The following SEC23B variants were observed in gnomAD, a reference collection of about 807,000 sequenced individuals.
SEC23B encodes the protein SEC23 homolog B, COPII component.
SEC23B carries 77 observed loss-of-function variants against 104.3 expected under a neutral mutation model. The observed-to-expected ratio is 0.74, with a 90% CI of 0.61 to 0.89. SEC23B has a LOEUF of 0.89. Ranked by LOEUF, SEC23B falls within the 40% of genes least tolerant of loss-of-function variation. The probability of loss-of-function intolerance (pLI) is 0.00; values close to 1 mark genes in which losing one functional copy is unlikely to be tolerated. For missense variants in SEC23B, 885 were observed against 949.4 expected (o/e 0.93, Z 0.89); for synonymous variants, 338 against 332.5 (o/e 1.02, Z -0.18).
chr20:18,525,496 C>T (rs760577545), intron 6 of SEC23B, among the ~76,000 whole-genome samples: 58 of 152,188 alleles, frequency 3.8e-4, no homozygotes, highest in Admixed American at 3.2e-3. Flanking sequence ...TTAGGCATGT[C>T]CTTAGGATTT....
In SEC23B at chr20:18,561,101, T is replaced by G; in HGVS notation, c.*361T>G. 1 of 319,890 alleles carries G rather than the reference T, an allele frequency of 3.1e-6. No homozygotes were observed. Among genetic ancestry groups the G allele is most frequent in the African/African-American group, 2.2e-5 (1 of 46,012 alleles). 19.8% of individuals were successfully genotyped at this position (319,890 alleles called of 1,614,324 possible). On this transcript the variant is annotated 3_prime_UTR_variant, in exon 20 of 20. Transcript: ENST00000650089. ...CAGAAAGTACTGGCTAAAATATTGC[T>G]AATACAAATGTGATTTCCTGAGGTC...
intron 3 of SEC23B, among the ~76,000 whole-genome samples, chr20:18,513,149 A>C (rs1402197753): frequency 2.6e-5 from 4 of 152,090 alleles, no homozygotes; most frequent in African/African-American, 9.7e-5. Flanking sequence ...GAGCCATTGC[A>C]CTCCAGCCTG....
At chr20:18,522,150 C>T (rs1052173500) in intron 4 of SEC23B, among the ~76,000 whole-genome samples, 7 of 152,054 alleles carry the variant, frequency 4.6e-5, no homozygotes, top group African/African-American at 1.7e-4. Flanking sequence ...GGTAGAGACA[C>T]GGAGTAGGGG....
In SEC23B at chr20:18,554,313, C is replaced by CTGGA. The variant is rs1468581868; in HGVS notation, c.2074_2077dup (p.Asp693GlyfsTer2). On this transcript the variant is annotated frameshift_variant, in exon 18 of 20. Transcript: ENST00000650089. LOFTEE classifies it high-confidence loss of function. Reference sequence around the variant, plus strand: ...CTTCAAGCACCTTCTGCAGGCACCACTGGATGATGCTCAAGAAATTCTGCA... The same window carrying CTGGA: ...CTTCAAGCACCTTCTGCAGGCACCACTGGATGGATGATGCTCAAGAAATTCTGCA... 5 of 1,614,070 alleles carry CTGGA rather than the reference C, an allele frequency of 3.1e-6. No individual in the cohort carries two copies. The highest frequency in any genetic ancestry group is 1.7e-5 in the Admixed American group (1 of 60,004).
chr20:18,540,729 G>T (rs546738233), intron 12 of SEC23B, among the ~76,000 whole-genome samples: 1 of 152,232 alleles, frequency 6.6e-6, no homozygotes, highest in East Asian at 1.9e-4. Flanking sequence ...GGTGGTGTAC[G>T]CCTGTAGTCC....
Position 18,543,060 on chromosome 20 carries a change from C to G in SEC23B, c.1553C>G (p.Ala518Gly), listed in dbSNP as rs1285283224. Residue 518 changes from alanine (A) to glycine (G), a missense_variant, in exon 14 of 20, where the codon GCA (alanine) becomes GGA (glycine). Coordinates refer to ENST00000650089, the MANE Select transcript of SEC23B (RefSeq NM_006363.6). Reference sequence around the variant, plus strand: ...AGTCAGCTCAGGCACATAGAAGCAGCATTTGACCAGGAGGCTGCGGCAGTG... The same window carrying G: ...AGTCAGCTCAGGCACATAGAAGCAGGATTTGACCAGGAGGCTGCGGCAGTG... The part of the protein sequence containing the change: ...VQSQLRHIEA[A>G]FDQEAAAVLM... 1 of 1,614,166 alleles carries G rather than the reference C, an allele frequency of 6.2e-7. No homozygotes were observed. The highest frequency in any genetic ancestry group is 1.1e-5 in the South Asian group (1 of 91,080).
Position 18,510,956 on chromosome 20 carries a change from C to T in SEC23B, c.121C>T (p.Leu41Phe). ...AAGAATGGTTGTACCCCTGGCTTGT[C>T]TCCTTACTCCTTTGAAAGAACGTCC... ...ATRMVVPLACLLTPLKERPDL... is the reference protein window; with the variant it reads ...ATRMVVPLACFLTPLKERPDL... The change falls in exon 2 of 20, where the codon CTC (leucine) becomes TTC (phenylalanine). Residue 41 changes from leucine to phenylalanine, a missense_variant. Physicochemically the swap from Leu to Phe is conservative, Grantham distance 22 (BLOSUM62 0). Transcript: ENST00000650089. The T allele has an allele frequency of 6.2e-7, 1 of 1,614,126 alleles. No individual in the cohort carries two copies. The highest frequency in any genetic ancestry group is 1.3e-5 in the African/African-American group (1 of 75,050).
At chr20:18,546,154 G>A in intron 15 of SEC23B, 121 bp downstream of exon 15, 5 of 698,432 alleles carry the variant, frequency 7.2e-6, no homozygotes, top group Non-Finnish European at 1.3e-5. Flanking sequence ...AGGTGACAGA[G>A]ATTGTTCAAC....
At chr20:18,547,247 G>A (rs192979444) in intron 15 of SEC23B, among the ~76,000 whole-genome samples, 41 of 152,200 alleles carry the variant, frequency 2.7e-4, no homozygotes, top group African/African-American at 8.4e-4. Flanking sequence ...CAAGTTGCTC[G>A]CCCCTCTGTG....
intron 16 of SEC23B, among the ~76,000 whole-genome samples, chr20:18,550,167 A>AT (rs920442652): frequency 1.2e-4 from 17 of 142,052 alleles, no homozygotes; most frequent in African/African-American, 2.6e-4. Context: ...TAATAAACGT[A>AT]TTTTTTTTTG....
chr20:18,527,047 T>G (rs1210771295), intron 8 of SEC23B, among the ~76,000 whole-genome samples: 1 of 152,226 alleles, frequency 6.6e-6, no homozygotes, highest in Non-Finnish European at 1.5e-5. Context: ...GAAACGCCTG[T>G]CTGTACTAAA....
At chr20:18,553,322 G>A (rs1330423585) in intron 17 of SEC23B, among the ~76,000 whole-genome samples, 1 of 152,208 alleles carries the variant, frequency 6.6e-6, no homozygotes, top group Non-Finnish European at 1.5e-5. Context: ...ACTTTGAGAA[G>A]GAGTGAGCAG....
chr20:18,555,021 G>A (rs778504519), intron 18 of SEC23B, 87 bp from the exon 19 acceptor site: 58 of 1,211,752 alleles, frequency 4.8e-5, no homozygotes, highest in Non-Finnish European at 6.9e-5. Flanking sequence ...CCAAACAAAT[G>A]TTGTAAAAAC....
chr20:18,516,037 T>C (rs995813667), intron 4 of SEC23B: 1 of 360,644 alleles, frequency 2.8e-6, no homozygotes, highest in African/African-American at 2.1e-5. Context: ...GACTTATCCT[T>C]GACCTCTCTC....
intron 10 of SEC23B, among the ~76,000 whole-genome samples, chr20:18,531,950 C>T (rs1368431353): frequency 6.6e-6 from 1 of 151,970 alleles, no homozygotes; most frequent in Non-Finnish European, 1.5e-5. Flanking sequence ...TCCAGCTACT[C>T]AGGAGGCTGA....
chr20:18,510,369 T>C (rs763141755), intron 1 of SEC23B, among the ~76,000 whole-genome samples: 2 of 152,194 alleles, frequency 1.3e-5, no homozygotes, highest in Non-Finnish European at 2.9e-5. Context: ...AAAGGAGCAG[T>C]GATCAATGAT....
In SEC23B at chr20:18,535,685, A is replaced by G. The variant is rs1204866900; in HGVS notation, c.1347A>G (p.Lys449=). ...GTGTTGGTGGCACGAGTCAGTGGAA[A>G]ATCTGTGGCCTAGATCCTACATCTA... The part of the protein sequence containing the change: ...ELGVGGTSQW[K]ICGLDPTSTL... Residue 449 remains lysine (K), a synonymous_variant, in exon 12 of 20, where the codon AAA becomes AAG. Coordinates refer to ENST00000650089, the MANE Select transcript of SEC23B (RefSeq NM_006363.6). 6.2e-7 allele frequency: 1 copy of G among 1,614,112 alleles called. No individual in the cohort carries two copies. The highest frequency in any genetic ancestry group is 2.2e-5 in the East Asian group (1 of 44,866).
At chr20:18,516,224 C>G in intron 4 of SEC23B, among the ~76,000 whole-genome samples, 1 of 148,192 alleles carries the variant, frequency 6.7e-6, no homozygotes. Flanking sequence ...ATACATTATT[C>G]TTCACCCAGC....
intron 19 of SEC23B, among the ~76,000 whole-genome samples, chr20:18,557,936 A>G (rs1017349522): frequency 1.3e-5 from 2 of 151,836 alleles, no homozygotes; most frequent in African/African-American, 4.8e-5. Context: ...TTTTTAGTAG[A>G]GACAGGGTTT....
Sources: allele counts gnomAD v4.1 joint callset (sites outside exome capture counted in the v4.1 genomes callset), GRCh38; gene constraint gnomAD v4.1.1; transcripts MANE v1.5; gene names NCBI Gene and HGNC (gene_info 2026-07-23, HGNC 2026-07-21).